The following SEMA3A variants were observed in gnomAD, a reference collection of about 807,000 sequenced individuals.
SEMA3A encodes semaphorin-3A.
SEMA3A carries 29 observed loss-of-function variants against 97.9 expected under a neutral mutation model. The ratio of observed to expected loss-of-function variants is 0.30; its 90% confidence interval spans 0.22 to 0.40. SEMA3A has a LOEUF of 0.40. Among genes scored for constraint, SEMA3A ranks in the 10% least tolerant of loss-of-function variants. SEMA3A has a pLI of 1.00. For missense variants in SEMA3A, 763 were observed against 951.3 expected (o/e 0.80, Z 2.60); for synonymous variants, 321 against 323.7 (o/e 0.99, Z 0.09).
intron 1 of SEMA3A, among the ~76,000 whole-genome samples, chr7:84,471,857 C>T (rs1308771451): frequency 6.6e-6 from 1 of 151,666 alleles, no homozygotes; most frequent in African/African-American, 2.4e-5. Context: ...TATTCCAATA[C>T]AAATTTGCTG....
intron 3 of SEMA3A, among the ~76,000 whole-genome samples, chr7:84,282,755 T>C (rs565379138): frequency 6.6e-6 from 1 of 152,300 alleles, no homozygotes; most frequent in African/African-American, 2.4e-5. Flanking sequence ...GGCTCATGCC[T>C]GTAATCCCAG....
At chr7:84,425,132 TATAA>T (rs1203943812) in intron 1 of SEMA3A, among the ~76,000 whole-genome samples, 2 of 109,928 alleles carry the variant, frequency 1.8e-5, no homozygotes, top group African/African-American at 7.6e-5. Flanking sequence ...ATTATTTATA[TATAA>T]ATATTATATA....
chr7:84,346,542 G>C (rs768579645), intron 2 of SEMA3A, among the ~76,000 whole-genome samples: 11 of 152,138 alleles, frequency 7.2e-5, no homozygotes, highest in African/African-American at 1.9e-4. Context: ...TATCAATACT[G>C]TTGTGTCTCA....
At chr7:84,030,359 AG>A (rs1791696554) in intron 6 of SEMA3A, among the ~76,000 whole-genome samples, 1 of 152,136 alleles carries the variant, frequency 6.6e-6, no homozygotes, top group African/African-American at 2.4e-5. Context: ...TCCCTTTGCC[AG>A]GAAGTTCATC....
chr7:84,393,510 G>A (rs1803643573), intron 1 of SEMA3A, among the ~76,000 whole-genome samples: 1 of 152,074 alleles, frequency 6.6e-6, no homozygotes, highest in Admixed American at 6.6e-5. Flanking sequence ...TTGGGTAATG[G>A]AACAGAATAC....
intron 1 of SEMA3A, among the ~76,000 whole-genome samples, chr7:84,415,135 CTG>C (rs2116261606): frequency 6.6e-6 from 1 of 152,090 alleles, no homozygotes; most frequent in African/African-American, 2.4e-5. Flanking sequence ...GAGCAATAAA[CTG>C]TAGCTGTAGA....
intron 3 of SEMA3A, among the ~76,000 whole-genome samples, chr7:84,128,170 T>C (rs1266289373): frequency 6.6e-6 from 1 of 152,124 alleles, no homozygotes; most frequent in African/African-American, 2.4e-5. Flanking sequence ...CTATTCATCT[T>C]TCACTCCAGA....
At chr7:84,091,144 G>GAA (rs1182685306) in intron 4 of SEMA3A, among the ~76,000 whole-genome samples, 2 of 24,996 alleles carry the variant, frequency 8.0e-5, no homozygotes, top group Admixed American at 6.3e-4. Context: ...AAGAAGGAAG[G>GAA]AAGGAAGGAA....
chr7:84,251,714 G>A (rs956103751), intron 3 of SEMA3A, among the ~76,000 whole-genome samples: 4 of 152,114 alleles, frequency 2.6e-5, no homozygotes, highest in Admixed American at 6.6e-5. Context: ...AGCAAAAGCC[G>A]TTTGTTTTAT....
intron 1 of SEMA3A, among the ~76,000 whole-genome samples, chr7:84,188,839 T>C (rs1249872615): frequency 1.1e-4 from 17 of 151,928 alleles, no homozygotes. Flanking sequence ...AATAAATGCA[T>C]GCAAAGAGCA....
At chr7:84,208,363 A>C (rs1057034463) in intron 3 of SEMA3A, among the ~76,000 whole-genome samples, 1 of 151,606 alleles carries the variant, frequency 6.6e-6, no homozygotes, top group African/African-American at 2.4e-5. Context: ...GAGGCAGGAG[A>C]ATGGCGTGAA....
chr7:84,403,038 G>A (rs374515602), intron 1 of SEMA3A, among the ~76,000 whole-genome samples: 10 of 152,034 alleles, frequency 6.6e-5, no homozygotes, highest in Non-Finnish European at 7.4e-5. Context: ...GGGGAGTGCC[G>A]GAGAGTGGGT....
At chr7:84,135,614 A>G (rs1301635769) in intron 1 of SEMA3A, among the ~76,000 whole-genome samples, 1 of 152,204 alleles carries the variant, frequency 6.6e-6, no homozygotes, top group Non-Finnish European at 1.5e-5. Flanking sequence ...AAGTGGTTTC[A>G]TTTGTTCCAA....
At chr7:84,048,631 T>C (rs1193261942) in intron 5 of SEMA3A, among the ~76,000 whole-genome samples, 2 of 151,874 alleles carry the variant, frequency 1.3e-5, no homozygotes, top group African/African-American at 4.8e-5. Context: ...TCGAAAAAAT[T>C]AAATTACTGG....
intron 1 of SEMA3A, among the ~76,000 whole-genome samples, chr7:84,160,553 T>C (rs533853989): frequency 7.0e-6 from 1 of 142,604 alleles, no homozygotes; most frequent in Non-Finnish European, 1.5e-5. Flanking sequence ...CATCTCAAGA[T>C]AAAGAAATAA....
chr7:84,453,231 C>G (rs915351674), intron 1 of SEMA3A, among the ~76,000 whole-genome samples: 70 of 147,030 alleles, frequency 4.8e-4, no homozygotes, highest in African/African-American at 1.6e-3. Context: ...GTTCATGAGA[C>G]TTTGTTTCTT....
At chr7:84,228,638 T>A (rs1277261223) in intron 3 of SEMA3A, among the ~76,000 whole-genome samples, 1 of 152,012 alleles carries the variant, frequency 6.6e-6, no homozygotes, top group African/African-American at 2.4e-5. Context: ...GAGTCTGATG[T>A]TTTCTGGGTT....
At chr7:84,421,606 G>C (rs1804594696) in intron 1 of SEMA3A, among the ~76,000 whole-genome samples, 1 of 152,048 alleles carries the variant, frequency 6.6e-6, no homozygotes, top group Non-Finnish European at 1.5e-5. Flanking sequence ...GGTTTCAAAG[G>C]GAACGCTTCC....
At chr7:84,333,681 A>C (rs1273139555) in intron 2 of SEMA3A, among the ~76,000 whole-genome samples, 1 of 152,202 alleles carries the variant, frequency 6.6e-6, no homozygotes, top group Admixed American at 6.5e-5. Flanking sequence ...ATTTTAAGGA[A>C]GGACATTTTC....
Sources: gnomAD v4.1 joint callset for allele counts (sites outside exome capture counted in the v4.1 genomes callset) on GRCh38, gnomAD v4.1.1 for gene constraint, MANE v1.5 for transcripts, NCBI Gene and HGNC (gene_info 2026-07-23, HGNC 2026-07-21) for gene names.